PUS3: variants seen among roughly 807,000 people sequenced by gnomAD.
PUS3 encodes the protein pseudouridine synthase 3, also known as tRNA pseudouridine(38/39) synthase.
PUS3 carries 36 observed loss-of-function variants against 43.3 expected under a neutral mutation model. The ratio of observed to expected loss-of-function variants is 0.83; its 90% CI spans 0.64 to 1.10. PUS3 has a LOEUF of 1.10. Among genes scored for constraint, PUS3 ranks in the 50% least tolerant of loss-of-function variants. The pLI is 0.00. For synonymous variants in PUS3, 183 were observed against 199.2 expected, an observed-to-expected ratio of 0.92 and a Z score of 0.69; for missense variants, 544 against 589.9, an observed-to-expected ratio of 0.92 and a Z score of 0.81.
rs1032078461 is a variant in PUS3 at position 125,894,127 on chromosome 11, T to C, written c.1104A>G (p.Gly368=). 1.8e-5 allele frequency: 29 copies of C among 1,614,014 alleles called. No individual in the cohort carries two copies. The highest frequency in any genetic ancestry group is 6.7e-5 in the Admixed American group (4 of 60,000). ...KTHMLYSMLQ[G]LDTVPVPCGI... is the part of the protein sequence containing the mutation. ...CACAGGGTACTGGAACAGTGTCCAGTCCTTGTAGCATACTATACAACATGT... is the reference window on the plus strand; with the variant it reads ...CACAGGGTACTGGAACAGTGTCCAGCCCTTGTAGCATACTATACAACATGT... The change falls in exon 4 of 4, where the codon GGA becomes GGG. Residue 368 remains glycine (G), a synonymous_variant. Transcript: ENST00000227474.
chr11:125,901,209 TC>T (rs1313020373), intron 1 of PUS3, among the ~76,000 whole-genome samples: 6 of 152,334 alleles, frequency 3.9e-5, no homozygotes, highest in Non-Finnish European at 7.3e-5. Flanking sequence ...CAGAATTATT[TC>T]ATTAATATTT....
Position 125,894,023 on chromosome 11 carries a change from AC to A in PUS3, c.1207del (p.Val403Ter). ...ATATGTGCGCATCTTCACTCCTTCT[AC>A]AAAGGCACTGGTCTGCTTTATGACA... ...PSVIKQTSAFVEGVKMRTYKP... is the reference protein window; with the variant it reads ...PSVIKQTSAFXEGVKMRTYKP... On this transcript the variant is annotated frameshift_variant, in exon 4 of 4. Transcript: ENST00000227474. LOFTEE classifies it high-confidence loss of function. 6.2e-7 allele frequency: 1 copy of A among 1,614,132 alleles called. No homozygotes were observed. Among genetic ancestry groups the A allele is most frequent in the Non-Finnish European group, 8.5e-7 (1 of 1,180,014 alleles).
At chr11:125,899,655 G>T in intron 1 of PUS3, 1 of 1,614,242 alleles carries the variant, frequency 6.2e-7, no homozygotes, top group East Asian at 2.2e-5. Flanking sequence ...GTGATGAAGA[G>T]AAAGGTGCTG....
chr11:125,897,079 A>G (rs1045580700), intron 1 of PUS3, among the ~76,000 whole-genome samples: 4 of 152,344 alleles, frequency 2.6e-5, no homozygotes, highest in Non-Finnish European at 4.4e-5. Context: ...TAATATTTCA[A>G]TAATCTGAGG....
At position 125,894,125 on chromosome 11, in the gene PUS3, AGT is replaced by A; in HGVS notation, c.1104_1105del (p.Leu369GlyfsTer23). The stretch of plus-strand genomic sequence containing the variant: ...TCCACAGGGTACTGGAACAGTGTCC[AGT>A]CCTTGTAGCATACTATACAACATGT... On this transcript the variant is annotated frameshift_variant, in exon 4 of 4. Transcript: ENST00000227474. LOFTEE classifies it high-confidence loss of function. 6.2e-7 allele frequency: 1 copy of A among 1,614,156 alleles called. No individual in the cohort carries two copies. Among genetic ancestry groups the A allele is most frequent in the Non-Finnish European group, 8.5e-7 (1 of 1,180,008 alleles).
intron 1 of PUS3, among the ~76,000 whole-genome samples, chr11:125,898,167 A>T (rs188544670): frequency 6.6e-6 from 1 of 152,160 alleles, no homozygotes; most frequent in African/African-American, 2.4e-5. Context: ...TGAGAGTAAA[A>T]CTTGGTGGGG....
chr11:125,901,621 G>A (rs943888320), intron 1 of PUS3, among the ~76,000 whole-genome samples: 2 of 152,156 alleles, frequency 1.3e-5, no homozygotes, highest in Non-Finnish European at 2.9e-5. Flanking sequence ...AACATTTAAA[G>A]CCACATAATT....
At position 125,893,663 on chromosome 11, in the gene PUS3, T is replaced by G; in HGVS notation, c.*122A>C. The G allele has an allele frequency of 2.5e-6, 2 of 802,254 alleles. No homozygotes were observed. The highest frequency in any genetic ancestry group is 2.9e-5 in the East Asian group (1 of 34,866). The allele number at this position is 802,254 out of a possible 1,614,324, so 49.7% of individuals were successfully genotyped here. A position where few individuals can be genotyped will look rare whatever the true frequency, so the allele number is the denominator to read the frequency against. Reference sequence around the variant, plus strand: ...TTAATAGGGCTTTAGTCTTTTTGCTTTTTTTTTTCTTTTAAGAGCTGATCA... The same window carrying G: ...TTAATAGGGCTTTAGTCTTTTTGCTGTTTTTTTTCTTTTAAGAGCTGATCA... On this transcript the variant is annotated 3_prime_UTR_variant, in exon 4 of 4. Transcript: ENST00000227474.
At chr11:125,894,504 T>C (rs1416359129) in intron 3 of PUS3, among the ~76,000 whole-genome samples, 1 of 152,170 alleles carries the variant, frequency 6.6e-6, no homozygotes, top group Non-Finnish European at 1.5e-5. Context: ...CTGATCTATG[T>C]AAGGTAAATG....
intron 3 of PUS3, among the ~76,000 whole-genome samples, 158 bp from the exon 4 acceptor site, chr11:125,894,444 T>G (rs1944513634): frequency 6.6e-6 from 1 of 152,184 alleles, no homozygotes; most frequent in Non-Finnish European, 1.5e-5. Flanking sequence ...ATCCCTAACC[T>G]TGAACACCTT....
rs139004406 is a variant in PUS3 at position 125,900,111 on chromosome 11, G to C, written c.-47+3059C>G. ...GGTGTCCGAGAGCAGATGCTTTGTC[G>C]AGCAGAACCCCAATCCAAACCTCAG... On this transcript the variant is annotated intron_variant, in intron 1 of 3. Coordinates refer to ENST00000227474, the MANE Select transcript of PUS3 (RefSeq NM_031307.4). 11 of 1,614,098 alleles carry C rather than the reference G, an allele frequency of 6.8e-6. No homozygotes were observed. In the African/African-American group the frequency reaches 1.2e-4, roughly 18 times the overall value.
At chr11:125,900,084 G>A (rs372527418) in intron 1 of PUS3, 1 of 1,614,024 alleles carries the variant, frequency 6.2e-7, no homozygotes, top group African/African-American at 1.3e-5. Context: ...GAATTACGCT[G>A]GGGTGTCCGA....
Position 125,901,008 on chromosome 11 carries a change from C to CAA in PUS3, c.-47+2160_-47+2161dup, listed in dbSNP as rs10533810. 6.8e-4 allele frequency among the ~76,000 whole-genome samples: 85 copies of CAA among 125,646 alleles called. No individual in the cohort carries two copies. The South Asian group carries it at 8.6e-3, about 13-fold the overall frequency. 82.4% of individuals were successfully genotyped at this position (125,646 alleles called of 152,430 possible). ...CCTGGGCGACAGCGAGACTCCGTCT[C>CAA]AAAAAAAAAAAAAAAAAAAGAAGGA... is the stretch of plus-strand genomic sequence containing the variant. On this transcript the variant is annotated intron_variant, in intron 1 of 3. Coordinates refer to ENST00000227474, the MANE Select transcript of PUS3 (RefSeq NM_031307.4).
chr11:125,896,142 G>A lies in PUS3; in HGVS notation c.143C>T (p.Ala48Val), dbSNP rs780995458. The A allele has an allele frequency of 1.2e-6, 2 of 1,614,050 alleles. No homozygotes were observed. Among genetic ancestry groups the A allele is most frequent in the African/African-American group, 1.3e-5 (1 of 74,914 alleles). ...DSNIRENSAG[A>V]GKTKRAFDFS... ...ATCAAATGCACGCTTAGTTTTTCCA[G>A]CTCCTGCTGAATTTTCTCTAATGTT... The change falls in exon 2 of 4, where the codon GCT (alanine) becomes GTT (valine). Residue 48 changes from alanine (A) to valine (V), a missense_variant. By Grantham distance (64) the Ala-to-Val change is moderately conservative. Coordinates refer to ENST00000227474, the MANE Select transcript of PUS3 (RefSeq NM_031307.4).
At position 125,895,471 on chromosome 11, in the gene PUS3, C is replaced by G. The variant is rs773552329; in HGVS notation, c.697G>C (p.Gly233Arg). Residue 233 changes from glycine (G) to arginine (R), a missense_variant, in exon 3 of 4, where the codon GGT becomes CGT. Transcript: ENST00000227474. ...RNLCKMDVANGVINFQRTILS... is the reference protein window; with the variant it reads ...RNLCKMDVANRVINFQRTILS... ...ATAGTCCTCTGAAAATTAATCACAC[C>G]GTTGGCTACATCCATTTTACACAAG... 2 of 1,614,024 alleles carry G rather than the reference C, an allele frequency of 1.2e-6. No homozygotes were observed. Among genetic ancestry groups the G allele is most frequent in the Non-Finnish European group, 1.7e-6 (2 of 1,180,042 alleles).
intron 1 of PUS3, 34 bp from the exon 2 acceptor site, chr11:125,896,364 A>G (rs1591502909): frequency 7.6e-7 from 1 of 1,318,308 alleles, no homozygotes; most frequent in East Asian, 2.3e-5. Context: ...AACAGTTTCA[A>G]TGCTAGTTCC....
intron 1 of PUS3, chr11:125,899,467 G>C: frequency 1.2e-6 from 2 of 1,614,188 alleles, no homozygotes; most frequent in Non-Finnish European, 1.7e-6. Flanking sequence ...TCTGTGCAGG[G>C]CAGGGTGAAG....
In PUS3 at chr11:125,896,119, C is replaced by A; in HGVS notation, c.166G>T (p.Asp56Tyr). The A allele has an allele frequency of 6.2e-7, 1 of 1,614,204 alleles. No homozygotes were observed. Among genetic ancestry groups the A allele is most frequent in the Non-Finnish European group, 8.5e-7 (1 of 1,180,026 alleles). The change falls in exon 2 of 4, where the codon GAT (aspartate) becomes TAT (tyrosine). Residue 56 changes from aspartate (D) to tyrosine (Y), a missense_variant. Physicochemically the swap from Asp to Tyr is radical, Grantham distance 160. Coordinates refer to ENST00000227474, the MANE Select transcript of PUS3 (RefSeq NM_031307.4). ...TGTCTTCGGCCATGAGCACTGAAAT[C>A]AAATGCACGCTTAGTTTTTCCAGCT... The part of the protein sequence containing the change: ...AGAGKTKRAF[D>Y]FSAHGRRHVA...
chr11:125,902,036 T>C (rs1214511690), intron 1 of PUS3, among the ~76,000 whole-genome samples: 1 of 152,130 alleles, frequency 6.6e-6, no homozygotes, highest in Non-Finnish European at 1.5e-5. Flanking sequence ...TACCAAAGTC[T>C]CCAAAGTTCA....
Sources: allele counts gnomAD v4.1 joint callset (sites outside exome capture counted in the v4.1 genomes callset), GRCh38; gene constraint gnomAD v4.1.1; transcripts MANE v1.5; gene names NCBI Gene and HGNC (gene_info 2026-07-23, HGNC 2026-07-21).